Variants in SKAP2 observed in about 807,000 individuals in gnomAD.
The protein encoded by SKAP2 is src kinase associated phosphoprotein 2, also known as src kinase-associated phosphoprotein 2.
In SKAP2, 28 loss-of-function variants were observed where a neutral mutation model predicts 54.9. That is an observed-to-expected ratio of 0.51 (90% CI 0.38 to 0.70). SKAP2 has a LOEUF of 0.70. SKAP2 is among the 30% of genes least tolerant of loss of function. The pLI is 0.00. For synonymous variants in SKAP2, 137 were observed against 134.3 expected, an observed-to-expected ratio of 1.02 and a Z score of -0.14; for missense variants, 356 against 424.1, an observed-to-expected ratio of 0.84 and a Z score of 1.41.
In SKAP2 at chr7:26,752,391, T is replaced by C. The variant is rs3801870; in HGVS notation, c.308-12427A>G. ...GGGCTGTTTTGTATAACATCATTCA[T>C]ATTGAGCCAAAAGCTTAATGCCAAA... is the stretch of plus-strand genomic sequence containing the variant. On this transcript the variant is annotated intron_variant, in intron 4 of 12. Coordinates refer to ENST00000345317, the MANE Select transcript of SKAP2 (RefSeq NM_003930.5). 0.012 allele frequency among the ~76,000 whole-genome samples: 1,884 copies of C among 152,282 alleles called. 84 individuals carry two copies. The East Asian group carries it at 0.13, about 11-fold the overall frequency.
Position 26,739,939 on chromosome 7 carries a change from T to A in SKAP2, c.333A>T (p.Ala111=), listed in dbSNP as rs888208029. The change falls in exon 5 of 13, where the codon GCA becomes GCT. Residue 111 remains alanine, a synonymous_variant. Coordinates refer to ENST00000345317, the MANE Select transcript of SKAP2 (RefSeq NM_003930.5). ...CCTTTAGAACAAAAGGAAGGTCTTG[T>A]GCTGCAATTGGAGGAAACTGGGCTC... ...SDGAQFPPIA[A]QDLPFVLKAG... 2.0e-5 allele frequency: 32 copies of A among 1,611,492 alleles called. No individual in the cohort carries two copies. The highest frequency in any genetic ancestry group is 2.7e-5 in the Non-Finnish European group (32 of 1,179,182).
At chr7:26,713,989 T>A (rs2127951247) in intron 9 of SKAP2, among the ~76,000 whole-genome samples, 1 of 152,256 alleles carries the variant, frequency 6.6e-6, no homozygotes, top group Non-Finnish European at 1.5e-5. Flanking sequence ...AAAGCGGTGG[T>A]AAGTAAAATC....
chr7:26,800,793 C>A (rs1032237761), intron 4 of SKAP2, among the ~76,000 whole-genome samples: 1 of 151,976 alleles, frequency 6.6e-6, no homozygotes, highest in South Asian at 2.1e-4. Flanking sequence ...CCAAGATGAA[C>A]CAGGAAGAAA....
At chr7:26,680,886 T>C (rs2128086074) in intron 11 of SKAP2, among the ~76,000 whole-genome samples, 1 of 152,096 alleles carries the variant, frequency 6.6e-6, no homozygotes, top group East Asian at 1.9e-4. Context: ...AGTATCTGCC[T>C]ACTCTTCTTT....
chr7:26,774,216 G>A (rs1375001822), intron 4 of SKAP2, among the ~76,000 whole-genome samples: 1 of 152,154 alleles, frequency 6.6e-6, no homozygotes, highest in Non-Finnish European at 1.5e-5. Flanking sequence ...AGGAGGCTGA[G>A]GCAGGAGAAT....
At chr7:26,755,228 T>C (rs1473326127) in intron 4 of SKAP2, among the ~76,000 whole-genome samples, 1 of 150,266 alleles carries the variant, frequency 6.7e-6, no homozygotes, top group Admixed American at 6.6e-5. Flanking sequence ...TAATGTACTT[T>C]TACAAATACA....
At chr7:26,707,748 G>A (rs1050635115) in intron 9 of SKAP2, among the ~76,000 whole-genome samples, 2 of 152,160 alleles carry the variant, frequency 1.3e-5, no homozygotes, top group Non-Finnish European at 2.9e-5. Flanking sequence ...ACAGCCCAGG[G>A]AAGAAACAAG....
chr7:26,673,194 A>G (rs1786279116), intron 11 of SKAP2, among the ~76,000 whole-genome samples: 1 of 152,056 alleles, frequency 6.6e-6, no homozygotes, highest in East Asian at 1.9e-4. Flanking sequence ...GCATCATGTA[A>G]TCTTTATGGA....
At chr7:26,683,541 G>GAAGGAAGGAAGT (rs1786558267) in intron 11 of SKAP2, among the ~76,000 whole-genome samples, 1 of 143,636 alleles carries the variant, frequency 7.0e-6, no homozygotes, top group Non-Finnish European at 1.5e-5. Flanking sequence ...TGGATGGAAG[G>GAAGGAAGGAAGT]AAGGAAGGAA....
intron 9 of SKAP2, among the ~76,000 whole-genome samples, chr7:26,691,653 C>A (rs1786785354): frequency 6.6e-6 from 1 of 152,042 alleles, no homozygotes; most frequent in South Asian, 2.1e-4. Flanking sequence ...GCTGAAGGGG[C>A]CTAAACCTGA....
chr7:26,737,401 G>A (rs1387472863), intron 6 of SKAP2, among the ~76,000 whole-genome samples: 1 of 152,114 alleles, frequency 6.6e-6, no homozygotes, highest in African/African-American at 2.4e-5. Context: ...GTAAATTAGT[G>A]ATGGAATGCA....
At chr7:26,788,000 C>T (rs564808615) in intron 4 of SKAP2, among the ~76,000 whole-genome samples, 9 of 152,176 alleles carry the variant, frequency 5.9e-5, no homozygotes, top group Admixed American at 1.3e-4. Flanking sequence ...GGATTATCAA[C>T]ATGGGATGTA....
At chr7:26,713,096 C>T (rs1372177880) in intron 9 of SKAP2, among the ~76,000 whole-genome samples, 2 of 152,218 alleles carry the variant, frequency 1.3e-5, no homozygotes, top group African/African-American at 2.4e-5. Context: ...ACCTCTCTGC[C>T]TGGCTACATA....
intron 4 of SKAP2, among the ~76,000 whole-genome samples, chr7:26,784,919 G>A (rs1184250501): frequency 6.6e-6 from 1 of 152,120 alleles, no homozygotes; most frequent in Admixed American, 6.6e-5. Context: ...TATACAGAGG[G>A]GTGGGAAGCT....
intron 4 of SKAP2, among the ~76,000 whole-genome samples, chr7:26,757,412 C>T (rs944785551): frequency 4.6e-5 from 7 of 152,090 alleles, no homozygotes; most frequent in African/African-American, 1.7e-4. Flanking sequence ...TTTCCCAGCA[C>T]CATTTATTAA....
intron 10 of SKAP2, among the ~76,000 whole-genome samples, chr7:26,687,869 G>T (rs928066855): frequency 2.1e-4 from 32 of 151,988 alleles, no homozygotes; most frequent in African/African-American, 7.0e-4. Flanking sequence ...AGTATGTTTA[G>T]TTGGCTTTAC....
chr7:26,703,866 T>C (rs1204737419), intron 9 of SKAP2, among the ~76,000 whole-genome samples: 1 of 152,176 alleles, frequency 6.6e-6, no homozygotes, highest in Non-Finnish European at 1.5e-5. Flanking sequence ...ATAACACAGC[T>C]ATAATAATAA....
chr7:26,822,719 CAAAAAAAA>C (rs60291116), intron 4 of SKAP2, among the ~76,000 whole-genome samples: 1 of 137,674 alleles, frequency 7.3e-6, no homozygotes, highest in Non-Finnish European at 1.6e-5. Flanking sequence ...ACTAAAAATA[CAAAAAAAA>C]AAAAAATTAG....
At chr7:26,840,837 T>C (rs1784803927) in intron 4 of SKAP2, among the ~76,000 whole-genome samples, 1 of 152,098 alleles carries the variant, frequency 6.6e-6, no homozygotes, top group African/African-American at 2.4e-5. Context: ...CAGACTCTTA[T>C]TCTTTTTCCT....
Sources: gnomAD v4.1 joint callset for allele counts (sites outside exome capture counted in the v4.1 genomes callset) on GRCh38, gnomAD v4.1.1 for gene constraint, MANE v1.5 for transcripts, NCBI Gene and HGNC (gene_info 2026-07-23, HGNC 2026-07-21) for gene names.